SERINC3: variants seen among roughly 807,000 people sequenced by gnomAD.
The protein encoded by SERINC3 is serine incorporator 3.
Under a neutral mutation model 52.1 loss-of-function variants are expected in SERINC3, and 22 were observed. The observed-to-expected ratio is 0.42, with a 90% CI of 0.30 to 0.60. The LOEUF is 0.60. SERINC3 is among the 20% of genes least tolerant of loss of function. SERINC3 has a pLI of 0.16. For missense variants in SERINC3, 564 were observed against 584.6 expected (o/e 0.96, Z 0.36); for synonymous variants, 226 against 212.7 (o/e 1.06, Z -0.54).
intron 1 of SERINC3, among the ~76,000 whole-genome samples, chr20:44,521,375 G>A (rs2064415261): frequency 6.6e-6 from 1 of 152,228 alleles, no homozygotes; most frequent in Non-Finnish European, 1.5e-5. Context: ...ACTTACAGCA[G>A]TCCCAAAATA....
intron 8 of SERINC3, among the ~76,000 whole-genome samples, chr20:44,503,170 G>C (rs1467870260): frequency 6.6e-6 from 1 of 152,134 alleles, no homozygotes; most frequent in Non-Finnish European, 1.5e-5. Context: ...TTGCTGAGAT[G>C]ACAATACTCC....
rs556143992 is a variant in SERINC3 at position 44,520,034 on chromosome 20, G to A, written c.39+1879C>T. 9.2e-5 allele frequency among the ~76,000 whole-genome samples: 14 copies of A among 152,258 alleles called. No homozygotes were observed. In the East Asian group the frequency reaches 2.5e-3, roughly 27 times the overall value. On this transcript the variant is annotated intron_variant, in intron 1 of 9. Transcript: ENST00000342374. ...AGTCTCACCCCTGACCCTCCAAGGA[G>A]GGGCTGAAGGTTAGGTCAGTAACCA...
chr20:44,514,979 A>G lies in SERINC3; in HGVS notation c.40-939T>C, dbSNP rs922750402. On this transcript the variant is annotated intron_variant, in intron 1 of 9. Transcript: ENST00000342374. ...CAAAAGCTTGTACACGAATATTCAC[A>G]GCACCACTATTTACAATCACCAAAA... 2.1e-4 allele frequency among the ~76,000 whole-genome samples: 32 copies of G among 152,222 alleles called. 1 individual carries two copies. Among genetic ancestry groups the G allele is most frequent in the African/African-American group, 7.5e-4 (31 of 41,450 alleles).
At chr20:44,521,794 G>T in intron 1 of SERINC3, 119 bp downstream of exon 1, 3 of 1,052,522 alleles carry the variant, frequency 2.9e-6, no homozygotes, top group Non-Finnish European at 2.8e-6. Context: ...GAGACCCTCT[G>T]TAGCCCAGGG....
At chr20:44,521,065 G>A (rs1313692168) in intron 1 of SERINC3, among the ~76,000 whole-genome samples, 1 of 152,216 alleles carries the variant, frequency 6.6e-6, no homozygotes, top group Admixed American at 6.5e-5. Flanking sequence ...TTTGCCTGAT[G>A]TTTGGGGGAA....
chr20:44,511,119 G>A (rs929556178), intron 4 of SERINC3, among the ~76,000 whole-genome samples, 170 bp downstream of exon 4: 12 of 151,946 alleles, frequency 7.9e-5, no homozygotes, highest in African/African-American at 2.9e-4. Flanking sequence ...TCACCATATT[G>A]GCCAGGTTGG....
rs761763639 is a variant in SERINC3, at chr20:44,506,933, G to T, written c.677C>A (p.Thr226Lys). Reference sequence around the variant, plus strand: ...GCAGCCATCTGGTTTGGTGTAATATGTATAGAGCAGCCCGACACAGATGAT... The same window carrying T: ...GCAGCCATCTGGTTTGGTGTAATATTTATAGAGCAGCCCGACACAGATGAT... ...LSIICVGLLY[T>K]YYTKPDGCTE... is the part of the protein sequence containing the mutation. The change falls in exon 6 of 10, where the codon ACA becomes AAA. Residue 226 changes from threonine (T) to lysine (K), a missense_variant. By Grantham distance (78) the Thr-to-Lys change is moderately conservative. Coordinates refer to ENST00000342374, the MANE Select transcript of SERINC3 (RefSeq NM_006811.4). The T allele has an allele frequency of 2.5e-6, 4 of 1,613,338 alleles. No homozygotes were observed. In the East Asian group the frequency reaches 6.7e-5, roughly 27 times the overall value.
rs1282960902 is a variant in SERINC3 at position 44,497,729 on chromosome 20, T to G, written c.*2567A>C. 2 of 152,202 alleles carry G rather than the reference T, an allele frequency of 1.3e-5. No homozygotes were observed. Among genetic ancestry groups the G allele is most frequent in the Non-Finnish European group, 2.9e-5 (2 of 68,030 alleles). 9.4% of individuals were successfully genotyped at this position (152,202 alleles called of 1,614,324 possible). On this transcript the variant is annotated 3_prime_UTR_variant, in exon 10 of 10. Coordinates refer to ENST00000342374, the MANE Select transcript of SERINC3 (RefSeq NM_006811.4). ...TTAAAAGACAATGATTCCAATAATT[T>G]ATATCAAGTCCTGCTTCCCTACCCC...
rs757263748 is a variant in SERINC3 at position 44,501,195 on chromosome 20, ATCT to A, written c.1158_1160del (p.Glu386del). On this transcript the variant is annotated inframe_deletion, in exon 9 of 10. Coordinates refer to ENST00000342374, the MANE Select transcript of SERINC3 (RefSeq NM_006811.4). ...TGTCCACAGCCCGCCGAGGCTGTCC[ATCT>A]TCTTCATCACTGGCACCACTGGTAG... The A allele has an allele frequency of 8.1e-6, 13 of 1,614,020 alleles. No individual in the cohort carries two copies. The highest frequency in any genetic ancestry group is 1.6e-4 in the Middle Eastern group (1 of 6,084).
At chr20:44,500,558 T>A in intron 9 of SERINC3, 124 bp from the exon 10 acceptor site, 2 of 1,065,530 alleles carry the variant, frequency 1.9e-6, no homozygotes, top group Non-Finnish European at 2.8e-6. Flanking sequence ...TACCCCCCAG[T>A]AGGGTTGAAG....
At chr20:44,510,812 T>A (rs1464557946) in intron 4 of SERINC3, among the ~76,000 whole-genome samples, 2 of 150,188 alleles carry the variant, frequency 1.3e-5, no homozygotes, top group African/African-American at 2.4e-5. Flanking sequence ...CTGTCTAAAA[T>A]ATATATATAT....
chr20:44,503,053 ATAAC>A (rs1377427910), intron 8 of SERINC3, among the ~76,000 whole-genome samples: 1 of 152,268 alleles, frequency 6.6e-6, no homozygotes, highest in African/African-American at 2.4e-5. Context: ...TTGTATACTA[ATAAC>A]TAACTATAAA....
intron 1 of SERINC3, among the ~76,000 whole-genome samples, chr20:44,518,897 G>C (rs936370387): frequency 2.0e-5 from 3 of 151,582 alleles, no homozygotes; most frequent in Admixed American, 2.0e-4. Flanking sequence ...CTGGGAGGTG[G>C]AGATTGCAGT....
chr20:44,513,313 T>C (rs1331253761), intron 2 of SERINC3, among the ~76,000 whole-genome samples: 3 of 152,086 alleles, frequency 2.0e-5, no homozygotes, highest in Non-Finnish European at 2.9e-5. Flanking sequence ...GTGAAAACCC[T>C]ATCTCTACTA....
intron 1 of SERINC3, among the ~76,000 whole-genome samples, chr20:44,516,721 G>C (rs2064383007): frequency 6.6e-6 from 1 of 152,130 alleles, no homozygotes; most frequent in African/African-American, 2.4e-5. Context: ...AAAAGACAAG[G>C]CGTCACTCTG....
rs768689936 is a variant in SERINC3 at position 44,506,951 on chromosome 20, C to T, written c.659G>A (p.Cys220Tyr). ...TSAFYILSII[C>Y]VGLLYTYYTK... ...GTAATATGTATAGAGCAGCCCGACA[C>T]AGATGATTGACAGGATATAAAAGGC... The change falls in exon 6 of 10, where the codon TGT becomes TAT. Residue 220 changes from cysteine to tyrosine, a missense_variant. By Grantham distance (194) the Cys-to-Tyr change is radical. Transcript: ENST00000342374. The T allele has an allele frequency of 3.1e-6, 5 of 1,609,224 alleles. No individual in the cohort carries two copies. Among genetic ancestry groups the T allele is most frequent in the Non-Finnish European group, 4.2e-6 (5 of 1,178,396 alleles).
At chr20:44,518,264 C>T (rs181813499) in intron 1 of SERINC3, among the ~76,000 whole-genome samples, 1 of 150,254 alleles carries the variant, frequency 6.7e-6, no homozygotes, top group East Asian at 2.0e-4. Context: ...AGTTCAAGAC[C>T]CGCCAGGCCA....
intron 4 of SERINC3, among the ~76,000 whole-genome samples, chr20:44,510,869 C>T (rs181097154): frequency 6.6e-6 from 1 of 151,976 alleles, no homozygotes; most frequent in African/African-American, 2.4e-5. Flanking sequence ...GATACCATCT[C>T]ATTTACTTGT....
At chr20:44,516,821 A>C (rs1283307615) in intron 1 of SERINC3, among the ~76,000 whole-genome samples, 1 of 152,188 alleles carries the variant, frequency 6.6e-6, no homozygotes, top group Non-Finnish European at 1.5e-5. Flanking sequence ...CAGCCTCCTG[A>C]GTACAAGCAA....
Sources: gnomAD v4.1 joint callset for allele counts (sites outside exome capture counted in the v4.1 genomes callset) on GRCh38, gnomAD v4.1.1 for gene constraint, MANE v1.5 for transcripts, NCBI Gene and HGNC (gene_info 2026-07-23, HGNC 2026-07-21) for gene names.